Variants in PTPRG observed in about 807,000 individuals in gnomAD.
PTPRG encodes protein tyrosine phosphatase receptor type G, also known as receptor-type tyrosine-protein phosphatase gamma.
PTPRG carries 102 observed loss-of-function variants against 165.3 expected under a neutral mutation model. That is an observed-to-expected ratio of 0.62 (90% confidence interval 0.53 to 0.73). The LOEUF (loss-of-function observed/expected upper bound fraction) is 0.73. Among genes scored for constraint, PTPRG ranks in the 30% least tolerant of loss-of-function variants. The pLI, the probability that PTPRG is intolerant of heterozygous loss-of-function variation, is 0.00. For missense variants in PTPRG, 1,866 were observed against 1,861.4 expected (o/e 1.00, Z -0.05); for synonymous variants, 675 against 669.5 (o/e 1.01, Z -0.13).
chr3:62,251,407 A>G, intron 15 of PTPRG, among the ~76,000 whole-genome samples: 1 of 151,960 alleles, frequency 6.6e-6, no homozygotes, highest in African/African-American at 2.4e-5. Flanking sequence ...TCAGCTACTC[A>G]GGAGGCTGAG....
rs6786609 is a variant in PTPRG, at chr3:62,222,816, G to A, written c.2288+3833G>A. On this transcript the variant is annotated intron_variant, in intron 13 of 29. Transcript: ENST00000474889. This position sits in a 1 kb window ranked among gnomAD's most constrained non-coding sequence, Gnocchi z 4.5. ...CAGAGTTCCTGCCATGCATCCTGGT[G>A]GGCCTAGAGATTTAGAGATCAGGTC... 8.6e-3 allele frequency among the ~76,000 whole-genome samples: 1,311 copies of A among 152,242 alleles called. 14 individuals carry two copies. The highest frequency in any genetic ancestry group is 0.03 in the African/African-American group (1,253 of 41,538).
chr3:62,049,954 G>A (rs928318392), intron 4 of PTPRG, among the ~76,000 whole-genome samples: 4 of 152,206 alleles, frequency 2.6e-5, no homozygotes, highest in Admixed American at 1.3e-4. Flanking sequence ...ATAATTGAAT[G>A]TATGATTAAA....
At chr3:62,042,018 G>A (rs1391186527) in intron 4 of PTPRG, among the ~76,000 whole-genome samples, 1 of 152,136 alleles carries the variant, frequency 6.6e-6, no homozygotes, top group African/African-American at 2.4e-5. Context: ...AGTTTACCCA[G>A]GATTATACCC....
At chr3:62,124,335 T>C in intron 5 of PTPRG, 1 of 1,612,032 alleles carries the variant, frequency 6.2e-7, no homozygotes, top group East Asian at 2.2e-5. Context: ...TGCCCGGGTC[T>C]CTGGTGATGC....
intron 26 of PTPRG, 30 bp from the exon 27 acceptor site, chr3:62,281,533 A>C: frequency 3.2e-6 from 1 of 311,564 alleles, no homozygotes; most frequent in Non-Finnish European, 4.4e-6. Flanking sequence ...ACAGAACTGC[A>C]GAGGCTTTTT....
At chr3:62,281,803 G>A (rs1251259676) in intron 27 of PTPRG, 94 bp downstream of exon 27, 5 of 1,232,062 alleles carry the variant, frequency 4.1e-6, no homozygotes, top group East Asian at 2.7e-5. Context: ...CCTCAAGCCA[G>A]GCTCAGGCAT....
chr3:62,005,166 A>T (rs1437297901), intron 4 of PTPRG, among the ~76,000 whole-genome samples: 2 of 152,224 alleles, frequency 1.3e-5, no homozygotes, highest in African/African-American at 4.8e-5. Flanking sequence ...TCTCAGTATC[A>T]GAATTCTTCC....
intron 1 of PTPRG, among the ~76,000 whole-genome samples, chr3:61,634,484 A>C (rs1701851277): frequency 6.6e-6 from 1 of 151,310 alleles, no homozygotes; most frequent in Admixed American, 6.6e-5. Flanking sequence ...ACGATCTGCC[A>C]CTTTGACCTC....
At chr3:62,055,668 G>C (rs1022876485) in intron 4 of PTPRG, among the ~76,000 whole-genome samples, 3 of 152,214 alleles carry the variant, frequency 2.0e-5, no homozygotes, top group Non-Finnish European at 4.4e-5. Context: ...TCTGAGGGCT[G>C]TGGGAGAGAA....
In PTPRG at chr3:62,267,838, A is replaced by G; in HGVS notation, c.2874+19A>G. 1.2e-6 allele frequency: 2 copies of G among 1,609,668 alleles called. No homozygotes were observed. Among genetic ancestry groups the G allele is most frequent in the Admixed American group, 3.4e-5 (2 of 59,388 alleles). On this transcript the variant is annotated intron_variant, in intron 19 of 29. Transcript: ENST00000474889. ...AGGAAGAGTAAGAGCCTTTTGACTCACTATCTTAATAATGCACCTTCATTC... is the reference window on the plus strand; with the variant it reads ...AGGAAGAGTAAGAGCCTTTTGACTCGCTATCTTAATAATGCACCTTCATTC...
At chr3:62,060,211 C>CAAAAA (rs3068431) in intron 4 of PTPRG, among the ~76,000 whole-genome samples, 1 of 131,494 alleles carries the variant, frequency 7.6e-6, no homozygotes, top group African/African-American at 2.9e-5. Flanking sequence ...GACCCTGTCT[C>CAAAAA]AAAAAAAAAA....
rs190858668 is a variant in PTPRG, at chr3:61,707,679, G to T, written c.86-41199G>T. 8.3e-4 allele frequency among the ~76,000 whole-genome samples: 127 copies of T among 152,286 alleles called. 1 individual carries two copies. The South Asian group carries it at 0.017, about 21-fold the overall frequency. On this transcript the variant is annotated intron_variant, in intron 1 of 29. Coordinates refer to ENST00000474889, the MANE Select transcript of PTPRG (RefSeq NM_002841.4). ...AATCTCATCCAAAACACCCTCCAGG[G>T]CATACCCAGAATAATGAATTGACCA... is the stretch of plus-strand genomic sequence containing the variant.
intron 1 of PTPRG, among the ~76,000 whole-genome samples, chr3:61,567,211 C>T (rs561081445): frequency 6.6e-6 from 1 of 152,264 alleles, no homozygotes; most frequent in East Asian, 1.9e-4. Flanking sequence ...CTGCTCCCCA[C>T]CTTTAATTTT....
At chr3:61,895,852 C>G (rs1344596154) in intron 2 of PTPRG, among the ~76,000 whole-genome samples, 1 of 152,152 alleles carries the variant, frequency 6.6e-6, no homozygotes. Context: ...TTCTGGCTAT[C>G]AACCTGCACT....
intron 2 of PTPRG, among the ~76,000 whole-genome samples, chr3:61,941,910 A>G (rs1187873660): frequency 4.6e-5 from 7 of 151,856 alleles, no homozygotes; most frequent in Admixed American, 3.9e-4. Context: ...TGTAATCCCA[A>G]TACTTTGGAA....
At chr3:61,808,764 G>A (rs2035488195) in intron 2 of PTPRG, among the ~76,000 whole-genome samples, 1 of 151,968 alleles carries the variant, frequency 6.6e-6, no homozygotes, top group South Asian at 2.1e-4. Flanking sequence ...GAGAAGCTCA[G>A]TGAAGGTTAT....
intron 12 of PTPRG, among the ~76,000 whole-genome samples, chr3:62,209,683 G>T (rs1042770078): frequency 6.6e-6 from 1 of 152,148 alleles, no homozygotes; most frequent in South Asian, 2.1e-4. Context: ...TGGCATGTCC[G>T]TGGGAACAAG....
At chr3:61,852,566 A>T (rs145018846) in intron 2 of PTPRG, among the ~76,000 whole-genome samples, 2 of 152,336 alleles carry the variant, frequency 1.3e-5, no homozygotes, top group Admixed American at 6.5e-5. Flanking sequence ...ATGAGGTCTT[A>T]CTGATAAATA....
In PTPRG at chr3:62,293,501, C is replaced by T. The variant is rs1333185532; in HGVS notation, c.*194C>T. 4.2e-5 allele frequency: 19 copies of T among 448,106 alleles called. No homozygotes were observed. In the East Asian group the frequency reaches 5.9e-4, roughly 14 times the overall value. The allele number at this position is 448,106 out of a possible 1,614,324, so 27.8% of individuals were successfully genotyped here. On this transcript the variant is annotated 3_prime_UTR_variant, in exon 30 of 30. Coordinates refer to ENST00000474889, the MANE Select transcript of PTPRG (RefSeq NM_002841.4). ...AGCATTTGCACCTCTGTTCATTTCA[C>T]ACAGTGAAACGCAATTTTACCTAGT... is the stretch of plus-strand genomic sequence containing the variant.
Sources: allele counts gnomAD v4.1 joint callset (sites outside exome capture counted in the v4.1 genomes callset), GRCh38; gene constraint gnomAD v4.1.1; non-coding constraint Gnocchi (gnomAD v3.1); transcripts MANE v1.5; gene names NCBI Gene and HGNC (gene_info 2026-07-23, HGNC 2026-07-21).